ATRNL1: variants seen among roughly 807,000 people sequenced by gnomAD.
ATRNL1 encodes attractin-like protein 1.
In ATRNL1, 95 loss-of-function variants were observed where a neutral mutation model predicts 182.7. The ratio of observed to expected loss-of-function variants is 0.52; its 90% CI spans 0.44 to 0.62. The LOEUF is 0.62. Ranked by LOEUF, ATRNL1 falls within the 20% of genes least tolerant of loss-of-function variation. ATRNL1 has a pLI of 0.00. For synonymous variants in ATRNL1, 576 were observed against 568.3 expected (o/e 1.01, Z -0.19); for missense variants, 1,471 against 1,679.5 (o/e 0.88, Z 2.17).
intron 28 of ATRNL1, among the ~76,000 whole-genome samples, chr10:115,878,752 C>T (rs962492455): frequency 1.1e-4 from 17 of 152,048 alleles, no homozygotes; most frequent in African/African-American, 3.9e-4. Flanking sequence ...ACCGTTAATA[C>T]CATGTAATAC....
At chr10:115,928,987 T>C (rs1277233174) in intron 28 of ATRNL1, among the ~76,000 whole-genome samples, 2 of 152,186 alleles carry the variant, frequency 1.3e-5, no homozygotes, top group East Asian at 3.9e-4. Flanking sequence ...ACTCACTGAA[T>C]CCTTATGTTC....
intron 26 of ATRNL1, among the ~76,000 whole-genome samples, chr10:115,622,047 G>C (rs12246358): frequency 0.011 from 1,666 of 152,272 alleles, 30 homozygotes; most frequent in African/African-American, 0.038. Context: ...GCTGCACACT[G>C]TTCTTAAGAA....
At chr10:115,328,304 A>C (rs1855024712) in intron 18 of ATRNL1, among the ~76,000 whole-genome samples, 1 of 152,134 alleles carries the variant, frequency 6.6e-6, no homozygotes, top group East Asian at 1.9e-4. Flanking sequence ...TGTTAAATTG[A>C]AACAAAATAT....
At chr10:115,841,984 G>A (rs539222357) in intron 27 of ATRNL1, among the ~76,000 whole-genome samples, 4 of 133,586 alleles carry the variant, frequency 3.0e-5, no homozygotes, top group Non-Finnish European at 6.6e-5. Flanking sequence ...TTATTAAGCT[G>A]CAAATACCAC....
chr10:115,389,546 A>G (rs1419774990), intron 19 of ATRNL1, among the ~76,000 whole-genome samples: 1,981 of 16,298 alleles, frequency 0.12, 283 homozygotes, highest in African/African-American at 0.33. Flanking sequence ...ATGTGTATAT[A>G]TATATATATA....
intron 28 of ATRNL1, among the ~76,000 whole-genome samples, chr10:115,934,130 A>C (rs782105558): frequency 3.3e-5 from 5 of 152,320 alleles, no homozygotes; most frequent in Admixed American, 6.5e-5. Flanking sequence ...TGAAGATGAC[A>C]GAAGTGTCAT....
intron 19 of ATRNL1, among the ~76,000 whole-genome samples, chr10:115,362,084 T>C (rs563425574): frequency 6.6e-6 from 1 of 152,156 alleles, no homozygotes; most frequent in South Asian, 2.1e-4. Flanking sequence ...AGCTATCATG[T>C]ATCCAAAAGA....
chr10:115,371,004 G>T (rs1488594907), intron 19 of ATRNL1, among the ~76,000 whole-genome samples: 2 of 152,182 alleles, frequency 1.3e-5, no homozygotes, highest in African/African-American at 4.8e-5. Context: ...AATAAAAGGG[G>T]CCAAGGTACA....
chr10:115,578,378 A>T (rs1176132592), intron 26 of ATRNL1, among the ~76,000 whole-genome samples: 3 of 151,672 alleles, frequency 2.0e-5, no homozygotes, highest in Admixed American at 6.6e-5. Flanking sequence ...AATTCATCTG[A>T]TCCTAGGCTT....
At chr10:115,418,644 T>C (rs1845513084) in intron 20 of ATRNL1, among the ~76,000 whole-genome samples, 1 of 152,058 alleles carries the variant, frequency 6.6e-6, no homozygotes, top group Non-Finnish European at 1.5e-5. Context: ...ACAAGGCATG[T>C]CACAATTAAA....
intron 21 of ATRNL1, among the ~76,000 whole-genome samples, chr10:115,450,235 C>T (rs1554967388): frequency 2.6e-5 from 4 of 152,112 alleles, no homozygotes; most frequent in Non-Finnish European, 5.9e-5. Flanking sequence ...ACAAGGATGC[C>T]CTCTCTCACC....
At chr10:115,191,358 C>T (rs1848162598) in intron 8 of ATRNL1, among the ~76,000 whole-genome samples, 1 of 152,106 alleles carries the variant, frequency 6.6e-6, no homozygotes, top group Non-Finnish European at 1.5e-5. Context: ...TCTCCTTTCT[C>T]CACATCCTCA....
intron 26 of ATRNL1, among the ~76,000 whole-genome samples, chr10:115,712,109 A>G (rs1947080302): frequency 6.6e-6 from 1 of 152,220 alleles, no homozygotes; most frequent in South Asian, 2.1e-4. Context: ...ATTCACAGGA[A>G]GAGTTGGGAT....
intron 22 of ATRNL1, among the ~76,000 whole-genome samples, chr10:115,466,568 T>C (rs898181570): frequency 6.6e-6 from 1 of 151,270 alleles, no homozygotes; most frequent in Non-Finnish European, 1.5e-5. Flanking sequence ...ACTCCACTAA[T>C]GAATGACAAG....
intron 26 of ATRNL1, among the ~76,000 whole-genome samples, chr10:115,578,690 T>C (rs1324515882): frequency 1.3e-5 from 2 of 151,568 alleles, no homozygotes; most frequent in Non-Finnish European, 3.0e-5. Flanking sequence ...AAATTTTAGT[T>C]TTGTTAATAT....
At chr10:115,443,184 C>A (rs1425419368) in intron 21 of ATRNL1, among the ~76,000 whole-genome samples, 1 of 151,760 alleles carries the variant, frequency 6.6e-6, no homozygotes, top group Non-Finnish European at 1.5e-5. Context: ...TAAATTTTTG[C>A]ATTTTTTTGG....
intron 26 of ATRNL1, among the ~76,000 whole-genome samples, chr10:115,570,433 A>C (rs1854321009): frequency 6.6e-6 from 1 of 152,204 alleles, no homozygotes; most frequent in Non-Finnish European, 1.5e-5. Context: ...ACATGAAGAT[A>C]TATTTATGCT....
intron 19 of ATRNL1, among the ~76,000 whole-genome samples, chr10:115,362,424 ATTAAC>A (rs782356738): frequency 2.1e-4 from 32 of 152,064 alleles, no homozygotes; most frequent in Admixed American, 1.2e-3. Context: ...GAATGCTTAA[ATTAAC>A]TTAACATATT....
intron 26 of ATRNL1, among the ~76,000 whole-genome samples, chr10:115,655,850 T>C (rs759947255): frequency 1.8e-4 from 28 of 152,206 alleles, no homozygotes; most frequent in Non-Finnish European, 3.7e-4. Context: ...AATTTATAAC[T>C]AAGATCTTTG....
Sources: allele counts gnomAD v4.1 joint callset (sites outside exome capture counted in the v4.1 genomes callset), GRCh38; gene constraint gnomAD v4.1.1; transcripts MANE v1.5; gene names NCBI Gene and HGNC (gene_info 2026-07-23, HGNC 2026-07-21).